Variants in SNRPN observed in about 807,000 individuals in gnomAD.
SNRPN encodes small nuclear ribonucleoprotein-associated protein N.
Under a neutral mutation model 25.2 loss-of-function variants are expected in SNRPN, and 7 were observed. The ratio of observed to expected loss-of-function variants is 0.28; its 90% CI spans 0.16 to 0.52. The LOEUF is 0.52. Ranked by LOEUF, SNRPN falls within the 20% of genes least tolerant of loss-of-function variation. SNRPN has a pLI of 0.96. For synonymous variants in SNRPN, 124 were observed against 110.6 expected, an observed-to-expected ratio of 1.12 and a Z score of -0.76; for missense variants, 196 against 322.5, an observed-to-expected ratio of 0.61 and a Z score of 3.00.
chr15:24,977,888 A>G lies in SNRPN; in HGVS notation c.531A>G (p.Pro177=). The G allele has an allele frequency of 6.3e-7, 1 of 1,582,434 alleles. No homozygotes were observed. Among genetic ancestry groups the G allele is most frequent in the Non-Finnish European group, 8.6e-7 (1 of 1,165,484 alleles). ...QYPPGRGTPP[P]PVGRATPPPG... is the part of the protein sequence containing the mutation. Reference sequence around the variant, plus strand: ...CACCAGGACGGGGCACTCCGCCCCCACCCGTCGGCAGAGCAACCCCACCTC... The same window carrying G: ...CACCAGGACGGGGCACTCCGCCCCCGCCCGTCGGCAGAGCAACCCCACCTC... Residue 177 remains proline (P), a synonymous_variant, in exon 8 of 10, where the codon CCA becomes CCG. Coordinates refer to ENST00000390687, the MANE Select transcript of SNRPN (RefSeq NM_003097.6).
Position 24,929,050 on chromosome 15 carries a change from A to G in SNRPN, c.-391+8926A>G, listed in dbSNP as rs2060614144. 6.6e-6 allele frequency among the ~76,000 whole-genome samples: 1 copy of G among 152,196 alleles called. No individual in the cohort carries two copies. The highest frequency in any genetic ancestry group is 2.4e-5 in the African/African-American group (1 of 41,450). On this transcript the variant is annotated intron_variant, in intron 3 of 11. Transcript: ENST00000400097. The surrounding 1 kb of genome is among the most constrained non-coding windows in gnomAD (Gnocchi z 5.3). The stretch of plus-strand genomic sequence containing the variant: ...ATTTCTATTGTGGAGAAGCGTACTT[A>G]GAAACCAAGGTCTTGGTGCTACTGG...
At chr15:24,883,190 G>A (rs1253705336) in intron 1 of SNRPN, among the ~76,000 whole-genome samples, 1 of 152,236 alleles carries the variant, frequency 6.6e-6, no homozygotes, top group Non-Finnish European at 1.5e-5. Context: ...AAGGAAGCCA[G>A]TAAAATCAGA....
chr15:24,840,633 C>G (rs1260898524), intron 2 of SNRPN, among the ~76,000 whole-genome samples: 1 of 152,180 alleles, frequency 6.6e-6, no homozygotes, highest in African/African-American at 2.4e-5. Context: ...CTCTGGGTGC[C>G]AGAAGAACCC....
intron 6 of SNRPN, 89 bp downstream of exon 6, chr15:24,976,505 G>A: frequency 1.1e-6 from 1 of 885,278 alleles, no homozygotes; most frequent in Non-Finnish European, 1.8e-6. Context: ...AGCAGACACA[G>A]TTCAACATGG....
At chr15:24,828,964 C>T (rs2050295988) in intron 1 of SNRPN, among the ~76,000 whole-genome samples, 1 of 151,726 alleles carries the variant, frequency 6.6e-6, no homozygotes, top group Admixed American at 6.6e-5. Context: ...CACATGTTGT[C>T]CTGAGATGAG....
At chr15:24,910,530 C>T (rs979229084) in intron 2 of SNRPN, among the ~76,000 whole-genome samples, 5 of 152,054 alleles carry the variant, frequency 3.3e-5, no homozygotes, top group Admixed American at 6.6e-5. Flanking sequence ...CTTGCTCTGT[C>T]GCCCAGGCAG....
intron 3 of SNRPN, among the ~76,000 whole-genome samples, chr15:24,939,456 G>C (rs1284217513): frequency 6.6e-6 from 1 of 152,120 alleles, no homozygotes; most frequent in Non-Finnish European, 1.5e-5. Context: ...TTATTGAGAT[G>C]GAGTCTCTTT....
chr15:24,903,405 G>C (rs561653394), intron 2 of SNRPN, among the ~76,000 whole-genome samples: 3 of 152,270 alleles, frequency 2.0e-5, no homozygotes, highest in Admixed American at 1.3e-4. Flanking sequence ...CAAAAGCGTA[G>C]AGGGTTTGGC....
chr15:24,875,192 G>A (rs949259486), intron 1 of SNRPN, among the ~76,000 whole-genome samples: 1 of 152,112 alleles, frequency 6.6e-6, no homozygotes, highest in Non-Finnish European at 1.5e-5. Context: ...AGTATTATTA[G>A]TTCATTCAAT....
exon 1 of SNRPN, chr15:24,823,779 T>C (rs1416166680): frequency 2.6e-5 from 4 of 152,188 alleles, no homozygotes; most frequent in African/African-American, 9.7e-5. Context: ...TAAGAAAGGC[T>C]TTTCTCTACA....
chr15:24,848,229 G>GGCGGGGGCGGGGGCGGCGGCGGGGGC (rs2052397988), intron 2 of SNRPN: 1 of 126,664 alleles, frequency 7.9e-6, no homozygotes, highest in Non-Finnish European at 1.7e-5. Context: ...CGGGGGCGGC[G>GGCGGGGGCGGGGGCGGCGGCGGGGGC]GTGGGGGCGG....
At chr15:24,951,345 A>G (rs2062255476), upstream of SNRPN, among the ~76,000 whole-genome samples, 4 of 151,930 alleles carry the variant, frequency 2.6e-5, no homozygotes, top group Admixed American at 2.6e-4. Flanking sequence ...TTGTCTTTTT[A>G]ATTCTAGCCC....
At chr15:24,975,689 T>C (rs544701174) in intron 5 of SNRPN, among the ~76,000 whole-genome samples, 180 bp downstream of exon 5, 1 of 152,352 alleles carries the variant, frequency 6.6e-6, no homozygotes, top group African/African-American at 2.4e-5. Flanking sequence ...ATCTGAACTC[T>C]TTTAAGTTTG....
chr15:24,840,235 G>A (rs912111053), intron 2 of SNRPN, among the ~76,000 whole-genome samples: 9 of 152,134 alleles, frequency 5.9e-5, no homozygotes, highest in African/African-American at 2.2e-4. Context: ...GCATGCGCCT[G>A]TAATCCCAGC....
At chr15:24,823,701 T>C (rs922505689) in exon 1 of SNRPN, 1 of 152,318 alleles carries the variant, frequency 6.6e-6, no homozygotes, top group African/African-American at 2.4e-5. Flanking sequence ...CTGTGTGGTT[T>C]GCGGGGGCAA....
At chr15:24,945,603 C>A (rs920591251) in intron 3 of SNRPN, among the ~76,000 whole-genome samples, 6 of 151,842 alleles carry the variant, frequency 4.0e-5, no homozygotes, top group African/African-American at 1.5e-4. Context: ...GTTTGCTGAC[C>A]GTCAAGGGCT....
At chr15:24,895,075 G>A (rs1443293680) in intron 2 of SNRPN, among the ~76,000 whole-genome samples, 1 of 152,176 alleles carries the variant, frequency 6.6e-6, no homozygotes, top group East Asian at 1.9e-4. Context: ...AAAGGTGTCA[G>A]CTAAGTGTAA....
rs116441120 is a variant in SNRPN, at chr15:24,958,102, A to G, written c.-391+3040A>G. The stretch of plus-strand genomic sequence containing the variant: ...TGCCTTATCTTGATTTCACTATTCT[A>G]TCTGACCAGTGTGTCATTGCCGAAA... On this transcript the variant is annotated intron_variant, in intron 1 of 9. Transcript: ENST00000390687. Among the ~76,000 whole-genome samples, 127 of 152,270 alleles carry G rather than the reference A, an allele frequency of 8.3e-4. 1 individual carries two copies. The highest frequency in any genetic ancestry group is 2.8e-3 in the African/African-American group (117 of 41,562).
intron 2 of SNRPN, among the ~76,000 whole-genome samples, chr15:24,834,728 C>CCTCTCCCTCT (rs1555376611): frequency 7.0e-5 from 3 of 42,806 alleles, no homozygotes; most frequent in African/African-American, 7.7e-5. Context: ...TCTCTCTCTC[C>CCTCTCCCTCT]CTCTCTCTCT....
Sources: gnomAD v4.1 joint callset for allele counts (sites outside exome capture counted in the v4.1 genomes callset) on GRCh38, gnomAD v4.1.1 for gene constraint, Gnocchi (gnomAD v3.1) non-coding constraint, MANE v1.5 for transcripts, NCBI Gene and HGNC (gene_info 2026-07-23, HGNC 2026-07-21) for gene names.